The following CADPS2 variants were observed in gnomAD, a reference collection of about 807,000 sequenced individuals.
CADPS2 encodes calcium-dependent secretion activator 2.
A neutral mutation model predicts 172.5 loss-of-function variants in CADPS2; 93 were observed. That is an observed-to-expected ratio of 0.54 (90% CI 0.46 to 0.64). The LOEUF is 0.64. Ranked by LOEUF, CADPS2 falls within the 30% of genes least tolerant of loss-of-function variation. The probability of loss-of-function intolerance (pLI) is 0.00; values close to 1 mark genes in which losing one functional copy is unlikely to be tolerated. For synonymous variants in CADPS2, 546 were observed against 555.2 expected (o/e 0.98, Z 0.23); for missense variants, 1,420 against 1,565.9 (o/e 0.91, Z 1.57).
At chr7:122,527,649 T>TGTGTGTGTGC (rs1336711258) in intron 8 of CADPS2, among the ~76,000 whole-genome samples, 3 of 144,352 alleles carry the variant, frequency 2.1e-5, no homozygotes, top group Admixed American at 6.8e-5. Context: ...TGTGTGTGTG[T>TGTGTGTGTGC]GTGTTTCCTG....
chr7:122,388,849 T>C (rs1048886553), intron 22 of CADPS2, 111 bp from the exon 23 acceptor site: 23 of 971,938 alleles, frequency 2.4e-5, no homozygotes, highest in Non-Finnish European at 3.3e-5. Flanking sequence ...AAAAATACCA[T>C]ATAAAGTCTC....
chr7:122,351,030 T>A (rs1335258844), intron 27 of CADPS2, among the ~76,000 whole-genome samples: 1 of 151,736 alleles, frequency 6.6e-6, no homozygotes, highest in Non-Finnish European at 1.5e-5. Flanking sequence ...TATATGCATT[T>A]TAAAAATAGA....
Position 122,390,933 on chromosome 7 carries a change from A to G in CADPS2, c.3009-2195T>C, listed in dbSNP as rs1012054326. On this transcript the variant is annotated intron_variant, in intron 22 of 29. Coordinates refer to ENST00000449022, the MANE Select transcript of CADPS2 (RefSeq NM_017954.11). The stretch of plus-strand genomic sequence containing the variant: ...AACTTGCTGGCATTCATTTCTAGAG[A>G]AAAAAAAACAGAATAAAGATTTATA... Among the ~76,000 whole-genome samples, 21 of 147,866 alleles carry G rather than the reference A, an allele frequency of 1.4e-4. 1 individual carries two copies. The highest frequency in any genetic ancestry group is 1.2e-3 in the Admixed American group (18 of 14,800).
At chr7:122,369,086 T>C (rs1224364618) in intron 25 of CADPS2, among the ~76,000 whole-genome samples, 1 of 150,520 alleles carries the variant, frequency 6.6e-6, no homozygotes, top group African/African-American at 2.4e-5. Context: ...TTTCCCTTGG[T>C]AAAAATTATT....
At chr7:122,631,097 G>T (rs939714087) in intron 3 of CADPS2, among the ~76,000 whole-genome samples, 6 of 152,034 alleles carry the variant, frequency 3.9e-5, no homozygotes, top group Non-Finnish European at 8.8e-5. Context: ...CTCATTCCAA[G>T]CTCCTAAAAA....
At chr7:122,873,241 T>C (rs187947725) in intron 1 of CADPS2, among the ~76,000 whole-genome samples, 28 of 152,294 alleles carry the variant, frequency 1.8e-4, no homozygotes, top group African/African-American at 6.0e-4. Flanking sequence ...GCAGGTTACA[T>C]AGGCATACAC....
intron 1 of CADPS2, among the ~76,000 whole-genome samples, chr7:122,780,077 AGGTAT>A (rs1420214307): frequency 1.3e-5 from 2 of 152,196 alleles, no homozygotes; most frequent in Non-Finnish European, 2.9e-5. Flanking sequence ...AGGAGAAAAG[AGGTAT>A]GTAGTCTCAA....
At chr7:122,404,205 A>G (rs1329452848) in intron 20 of CADPS2, among the ~76,000 whole-genome samples, 1 of 149,740 alleles carries the variant, frequency 6.7e-6, no homozygotes, top group African/African-American at 2.5e-5. Context: ...ATGTGTTCTC[A>G]TTGTTCAATT....
At chr7:122,441,430 G>A (rs2051339761) in intron 16 of CADPS2, 82 bp downstream of exon 16, 1 of 810,934 alleles carries the variant, frequency 1.2e-6, no homozygotes. Flanking sequence ...AGAATAACGG[G>A]GTCTGTCTCC....
chr7:122,442,475 A>G (rs2051484308), intron 15 of CADPS2, among the ~76,000 whole-genome samples: 1 of 152,144 alleles, frequency 6.6e-6, no homozygotes, highest in Non-Finnish European at 1.5e-5. Flanking sequence ...AAATCTGCAA[A>G]CTAATAACTT....
At chr7:122,820,911 C>T (rs1803065642) in intron 1 of CADPS2, among the ~76,000 whole-genome samples, 1 of 143,936 alleles carries the variant, frequency 6.9e-6, no homozygotes, top group Non-Finnish European at 1.5e-5. Flanking sequence ...GCTGCCACTG[C>T]ATTAATACTT....
chr7:122,373,709 G>A (rs1585375596), intron 25 of CADPS2, among the ~76,000 whole-genome samples: 1 of 152,186 alleles, frequency 6.6e-6, no homozygotes, highest in East Asian at 1.9e-4. Context: ...AAATAAAGCT[G>A]ACCAATAACA....
At chr7:122,495,365 G>A (rs975067011) in intron 9 of CADPS2, among the ~76,000 whole-genome samples, 3 of 151,978 alleles carry the variant, frequency 2.0e-5, no homozygotes, top group African/African-American at 7.2e-5. Flanking sequence ...TTTCCATGAC[G>A]TTTTGAAATG....
intron 20 of CADPS2, among the ~76,000 whole-genome samples, chr7:122,399,049 C>T (rs934809866): frequency 3.3e-5 from 5 of 152,042 alleles, no homozygotes; most frequent in African/African-American, 1.2e-4. Flanking sequence ...TAAAACCACA[C>T]CCAGTTCTTC....
chr7:122,608,942 C>G (rs1587805271), intron 6 of CADPS2, among the ~76,000 whole-genome samples: 1 of 151,982 alleles, frequency 6.6e-6, no homozygotes, highest in Non-Finnish European at 1.5e-5. Context: ...AACCCCAGCA[C>G]TTTGGGAAGC....
chr7:122,368,425 T>A (rs2041269244), intron 25 of CADPS2, among the ~76,000 whole-genome samples: 1 of 152,130 alleles, frequency 6.6e-6, no homozygotes, highest in Non-Finnish European at 1.5e-5. Flanking sequence ...ATCATAGGCT[T>A]AGGGACCACA....
chr7:122,418,117 C>T (rs1035165151), intron 17 of CADPS2, among the ~76,000 whole-genome samples: 1 of 151,610 alleles, frequency 6.6e-6, no homozygotes, highest in Admixed American at 6.6e-5. Context: ...TTGCAGTGAG[C>T]CAATATCACA....
chr7:122,610,308 A>C (rs1036727105), intron 6 of CADPS2, among the ~76,000 whole-genome samples: 1 of 148,898 alleles, frequency 6.7e-6, no homozygotes, highest in Non-Finnish European at 1.5e-5. Context: ...CAGCCCATGA[A>C]ACTTTTACTA....
chr7:122,837,304 T>C (rs1371426481), intron 1 of CADPS2, among the ~76,000 whole-genome samples: 1 of 152,268 alleles, frequency 6.6e-6, no homozygotes, highest in East Asian at 1.9e-4. Context: ...TTTATAGCAC[T>C]AAATGCCCAC....
Sources: gnomAD v4.1 joint callset for allele counts (sites outside exome capture counted in the v4.1 genomes callset) on GRCh38, gnomAD v4.1.1 for gene constraint, MANE v1.5 for transcripts, NCBI Gene and HGNC (gene_info 2026-07-23, HGNC 2026-07-21) for gene names.